DIP2C: variants seen among roughly 807,000 people sequenced by gnomAD.
DIP2C encodes the protein disco-interacting protein 2 homolog C.
DIP2C carries 33 observed loss-of-function variants against 192.4 expected under a neutral mutation model. That is an observed-to-expected ratio of 0.17 (90% CI 0.13 to 0.23). DIP2C has a LOEUF of 0.23. Among genes scored for constraint, DIP2C ranks in the 10% least tolerant of loss-of-function variants. DIP2C has a pLI of 1.00. For missense variants in DIP2C, 1,537 were observed against 2,110.1 expected (o/e 0.73, Z 5.32); for synonymous variants, 979 against 864.1 (o/e 1.13, Z -2.33).
Position 609,922 on chromosome 10 carries a change from G to A in DIP2C, c.85+79572C>T, listed in dbSNP as rs957693639. Among the ~76,000 whole-genome samples, 7 of 152,100 alleles carry A rather than the reference G, an allele frequency of 4.6e-5. No homozygotes were observed. In the East Asian group the frequency reaches 9.6e-4, roughly 21 times the overall value. ...CCCAGCGGTTCTTCCTAGTGGAAGC[G>A]AGGGGCACAAAGGAATGCGGCATTC... On this transcript the variant is annotated intron_variant, in intron 1 of 36. Coordinates refer to ENST00000280886, the MANE Select transcript of DIP2C (RefSeq NM_014974.3).
chr10:494,905 A>G (rs1844702934), intron 1 of DIP2C, among the ~76,000 whole-genome samples: 1 of 152,240 alleles, frequency 6.6e-6, no homozygotes, highest in Non-Finnish European at 1.5e-5. Flanking sequence ...AGGAATTTAA[A>G]CCAGTGTAAG....
At chr10:650,555 G>A (rs1044430792) in intron 1 of DIP2C, 11 of 645,098 alleles carry the variant, frequency 1.7e-5, no homozygotes, top group Non-Finnish European at 3.1e-5. Context: ...CCCTGAGAAT[G>A]GGATGCAGAG....
intron 4 of DIP2C, among the ~76,000 whole-genome samples, chr10:429,023 A>G (rs75671481): frequency 2.6e-5 from 4 of 152,034 alleles, no homozygotes; most frequent in Non-Finnish European, 4.4e-5. Flanking sequence ...ACTTGTCACA[A>G]CTGATGCTTC....
At chr10:674,789 T>TATATATAGGG in intron 1 of DIP2C, among the ~76,000 whole-genome samples, 1 of 62,498 alleles carries the variant, frequency 1.6e-5, no homozygotes, top group Non-Finnish European at 2.7e-5. Context: ...TATATATATA[T>TATATATAGGG]AGAGAGAGAG....
chr10:288,517 G>A (rs1955280421), intron 32 of DIP2C, 96 bp from the exon 33 acceptor site: 2 of 1,318,384 alleles, frequency 1.5e-6, no homozygotes, highest in Non-Finnish European at 2.2e-6. Flanking sequence ...CAGCTGTCCG[G>A]GAAAGCTGAT....
At chr10:543,983 C>T (rs1432437210) in intron 1 of DIP2C, among the ~76,000 whole-genome samples, 2 of 152,094 alleles carry the variant, frequency 1.3e-5, no homozygotes, top group South Asian at 4.1e-4. Flanking sequence ...ACTCTGGACG[C>T]CTGTCGTGAG....
At chr10:336,471 A>G (rs1490262304) in intron 29 of DIP2C, among the ~76,000 whole-genome samples, 1 of 152,224 alleles carries the variant, frequency 6.6e-6, no homozygotes, top group Non-Finnish European at 1.5e-5. Context: ...TTTTATTTGC[A>G]TATGATACCT....
In DIP2C at chr10:478,679, C is replaced by T. The variant is rs190143724; in HGVS notation, c.158-6130G>A. ...GGCATGCTAGGGGTGTAGACACATC[C>T]AAGTTCCCGTCTTATTCTCACTCAT... On this transcript the variant is annotated intron_variant, in intron 2 of 36. Transcript: ENST00000280886. Among the ~76,000 whole-genome samples the T allele has an allele frequency of 1.4e-3, 205 of 151,502 alleles. 1 individual carries two copies. The highest frequency in any genetic ancestry group is 4.7e-3 in the African/African-American group (193 of 41,230).
intron 9 of DIP2C, among the ~76,000 whole-genome samples, chr10:401,838 C>T (rs866700725): frequency 5.3e-4 from 64 of 120,174 alleles, no homozygotes; most frequent in African/African-American, 8.8e-4. Flanking sequence ...ACACGTGTGG[C>T]AGCATTAGCA....
chr10:416,424 CCA>C (rs1243559136), intron 6 of DIP2C, among the ~76,000 whole-genome samples: 1 of 152,174 alleles, frequency 6.6e-6, no homozygotes, highest in Non-Finnish European at 1.5e-5. Context: ...GGTTTCAGCA[CCA>C]CCACGCCCAA....
intron 31 of DIP2C, chr10:311,388 G>A: frequency 1.5e-6 from 1 of 653,864 alleles, no homozygotes; most frequent in Admixed American, 4.3e-5. Context: ...ACGTGACATT[G>A]CCCGGCCGGC....
chr10:359,966 C>A (rs951884053), intron 22 of DIP2C, among the ~76,000 whole-genome samples: 17 of 152,288 alleles, frequency 1.1e-4, no homozygotes, highest in African/African-American at 4.1e-4. Flanking sequence ...CTGGGCAAGA[C>A]GAGACGGCTC....
intron 2 of DIP2C, among the ~76,000 whole-genome samples, chr10:474,526 C>T (rs1343886125): frequency 6.6e-6 from 1 of 151,040 alleles, no homozygotes; most frequent in Non-Finnish European, 1.5e-5. Context: ...CCCAAACGTG[C>T]TACCGTCACT....
chr10:607,775 CTCT>C (rs1010921427), intron 1 of DIP2C, among the ~76,000 whole-genome samples: 11 of 152,180 alleles, frequency 7.2e-5, no homozygotes, highest in African/African-American at 1.9e-4. Flanking sequence ...CAATGGAAAC[CTCT>C]TCTTAGACAA....
In DIP2C at chr10:277,466, G is replaced by C; in HGVS notation, c.4530C>G (p.His1510Gln). 1 of 1,614,180 alleles carries C rather than the reference G, an allele frequency of 6.2e-7. No individual in the cohort carries two copies. Among genetic ancestry groups the C allele is most frequent in the Non-Finnish European group, 8.5e-7 (1 of 1,180,028 alleles). The stretch of plus-strand genomic sequence containing the variant: ...CGACCACCACTCCGACGATCAGGTA[G>C]TGCTCCTCCAGGACCACGTTGGTCA... The part of the protein sequence containing the change: ...PLVTNVVLEE[H>Q]YLIVGVVVVV... Residue 1510 changes from histidine (H) to glutamine (Q), a missense_variant, in exon 37 of 37, where the codon CAC becomes CAG. Physicochemically the swap from His to Gln is conservative, Grantham distance 24 (BLOSUM62 0). Transcript: ENST00000280886.
chr10:524,038 G>T (rs1846900851), intron 1 of DIP2C, among the ~76,000 whole-genome samples: 1 of 152,168 alleles, frequency 6.6e-6, no homozygotes, highest in South Asian at 2.1e-4. Flanking sequence ...GCCGTGCAAT[G>T]GCCCGAGGCT....
intron 31 of DIP2C, among the ~76,000 whole-genome samples, chr10:325,262 C>T (rs1353365380): frequency 6.6e-6 from 1 of 151,562 alleles, no homozygotes; most frequent in Non-Finnish European, 1.5e-5. Flanking sequence ...GATACTCCAT[C>T]TCAAAAACAA....
At chr10:303,535 T>G (rs146422098) in intron 32 of DIP2C, among the ~76,000 whole-genome samples, 1 of 152,200 alleles carries the variant, frequency 6.6e-6, no homozygotes, top group African/African-American at 2.4e-5. Context: ...TTTTTTTTCT[T>G]TTTTTGAGAC....
intron 1 of DIP2C, among the ~76,000 whole-genome samples, chr10:523,643 G>C (rs943257126): frequency 6.9e-5 from 10 of 145,610 alleles, no homozygotes; most frequent in African/African-American, 2.6e-4. Flanking sequence ...CCGCACACTC[G>C]TTTCTACCGG....
Sources: allele counts gnomAD v4.1 joint callset (sites outside exome capture counted in the v4.1 genomes callset), GRCh38; gene constraint gnomAD v4.1.1; transcripts MANE v1.5; gene names NCBI Gene and HGNC (gene_info 2026-07-23, HGNC 2026-07-21).